TTN: variants seen among roughly 807,000 people sequenced by gnomAD.
The protein encoded by TTN is titin.
A neutral mutation model predicts 3,223.0 loss-of-function variants in TTN; 1,525 were observed. That is an observed-to-expected ratio of 0.47 (90% CI 0.45 to 0.49). The LOEUF is 0.49. Ranked by LOEUF, TTN falls within the 20% of genes least tolerant of loss-of-function variation. The probability of loss-of-function intolerance (pLI) is 0.00; values close to 1 mark genes in which losing one functional copy is unlikely to be tolerated. For missense variants in TTN, 40,786 were observed against 43,424.0 expected (o/e 0.94, Z 5.40); for synonymous variants, 14,094 against 15,161.0 (o/e 0.93, Z 5.17).
Position 178,713,113 on chromosome 2 carries a change from A to G in TTN, c.27021T>C (p.Asp9007=), listed in dbSNP as rs765824174. The part of the protein sequence containing the change: ...TCIATNMAGS[D]ECSAPLTVRE... Reference sequence around the variant, plus strand: ...TCACAGTCAAAGGAGCACTACATTCATCAGAACCAGCCATATTAGTAGCTA... The same window carrying G: ...TCACAGTCAAAGGAGCACTACATTCGTCAGAACCAGCCATATTAGTAGCTA... The change falls in exon 93 of 363, where the codon GAT becomes GAC. Residue 9007 remains aspartate, a synonymous_variant. Coordinates refer to ENST00000589042, the MANE Select transcript of TTN (RefSeq NM_001267550.2). 6.2e-7 allele frequency: 1 copy of G among 1,613,738 alleles called. No individual in the cohort carries two copies. Among genetic ancestry groups the G allele is most frequent in the Non-Finnish European group, 8.5e-7 (1 of 1,179,748 alleles).
rs779686013 is a variant in TTN at position 178,589,258 on chromosome 2, G to A, written c.62467C>T (p.Arg20823Cys). 8.1e-6 allele frequency: 13 copies of A among 1,613,332 alleles called. No homozygotes were observed. Among genetic ancestry groups the A allele is most frequent in the African/African-American group, 2.7e-5 (2 of 74,888 alleles). ...TRSPRVKIDT[R>C]ADSSKFSLTK... The stretch of plus-strand genomic sequence containing the variant: ...AGAGAAAATTTAGATGAATCAGCAC[G>A]GGTATCAATCTTGACCCTTGGTGAT... The change falls in exon 304 of 363, where the codon CGT (arginine) becomes TGT (cysteine). Residue 20823 changes from arginine (R) to cysteine (C), a missense_variant. Coordinates refer to ENST00000589042, the MANE Select transcript of TTN (RefSeq NM_001267550.2).
chr2:178,792,341 G>A, intron 9 of TTN, 144 bp from the exon 10 acceptor site: 1 of 800,118 alleles, frequency 1.2e-6, no homozygotes, highest in Non-Finnish European at 1.9e-6. Flanking sequence ...ATAATCCCAT[G>A]TTCATAAATA....
At chr2:178,713,637 A>G in intron 92 of TTN, 3 of 695,986 alleles carry the variant, frequency 4.3e-6, no homozygotes, top group Non-Finnish European at 6.8e-6. Flanking sequence ...TTTCAGCATA[A>G]ATGAAGACTG....
At chr2:178,782,183 G>C in intron 20 of TTN, 29 bp downstream of exon 20, 1 of 1,612,846 alleles carries the variant, frequency 6.2e-7, no homozygotes, top group Non-Finnish European at 8.5e-7. Context: ...ACAAGTCACA[G>C]AGAACTCTAT....
chr2:178,594,957 T>TA (rs201928192), intron 295 of TTN, among the ~76,000 whole-genome samples: 16 of 151,412 alleles, frequency 1.1e-4, no homozygotes, highest in Non-Finnish European at 1.8e-4. Context: ...AGTGGGAAAT[T>TA]AAAAAAAAAT....
chr2:178,725,523 A>C lies in TTN; in HGVS notation c.20681T>G (p.Val6894Gly). ...CCTGATGTTTTCACTTTCTCTAATC[A>C]CTTCTTCCTTCTCTTTAAGCCACTG... ...FVQWLKEKEE[V>G]IRESENIRIT... The change falls in exon 71 of 363, where the codon GTG becomes GGG. Residue 6894 changes from valine to glycine, a missense_variant. Coordinates refer to ENST00000589042, the MANE Select transcript of TTN (RefSeq NM_001267550.2). The C allele has an allele frequency of 6.2e-7, 1 of 1,613,126 alleles. No individual in the cohort carries two copies. Among genetic ancestry groups the C allele is most frequent in the Non-Finnish European group, 8.5e-7 (1 of 1,179,454 alleles).
Position 178,568,905 on chromosome 2 carries a change from C to T in TTN, c.77227G>A (p.Glu25743Lys), listed in dbSNP as rs765997807. 2.5e-6 allele frequency: 4 copies of T among 1,613,290 alleles called. No homozygotes were observed. The highest frequency in any genetic ancestry group is 2.2e-5 in the East Asian group (1 of 44,828). ...ACTCGAGCACACTCTGACCATTTCT[C>T]ACTGTGTTTAGCTTGCATTTCCACA... is the stretch of plus-strand genomic sequence containing the variant. ...YIVEMQAKHS[E>K]KWSECARVKS... Residue 25743 changes from glutamate to lysine, a missense_variant, in exon 326 of 363, where the codon GAG (glutamate) becomes AAG (lysine). By Grantham distance (56) the Glu-to-Lys change is moderately conservative. Transcript: ENST00000589042.
rs748869015 is a variant in TTN at position 178,567,482 on chromosome 2, A to G, written c.78650T>C (p.Val26217Ala). ...AGETFRLEAD[V>A]HGKPLPTIEW... ...AATGGTAGGTAGGGGCTTTCCATGGACATCAGCCTCAAGTCTGAATGTTTC... is the reference window on the plus strand; with the variant it reads ...AATGGTAGGTAGGGGCTTTCCATGGGCATCAGCCTCAAGTCTGAATGTTTC... Residue 26217 changes from valine (V) to alanine (A), a missense_variant, in exon 326 of 363, where the codon GTC becomes GCC. Transcript: ENST00000589042. The G allele has an allele frequency of 6.2e-7, 1 of 1,613,142 alleles. No individual in the cohort carries two copies. The highest frequency in any genetic ancestry group is 1.1e-5 in the South Asian group (1 of 90,974).
Position 178,558,418 on chromosome 2 carries a change from C to T in TTN, c.87041G>A (p.Arg29014Gln), listed in dbSNP as rs772536290. ...GLRENSEYFF[R>Q]VFAENQAGLS... Reference sequence around the variant, plus strand: ...GCCAGCTTGATTTTCAGCAAACACTCGGAAAAAGTATTCAGAATTCTCTCT... The same window carrying T: ...GCCAGCTTGATTTTCAGCAAACACTTGGAAAAAGTATTCAGAATTCTCTCT... Residue 29014 changes from arginine to glutamine, a missense_variant, in exon 327 of 363, where the codon CGA (arginine) becomes CAA (glutamine). Coordinates refer to ENST00000589042, the MANE Select transcript of TTN (RefSeq NM_001267550.2). The T allele has an allele frequency of 1.5e-5, 25 of 1,613,742 alleles. No homozygotes were observed. Among genetic ancestry groups the T allele is most frequent in the Admixed American group, 3.3e-5 (2 of 60,020 alleles).
Position 178,730,352 on chromosome 2 carries a change from T to A in TTN, c.18048A>T (p.Glu6016Asp). ...LTVKEPPYFVEKPQSQDVNPN... is the reference protein window; with the variant it reads ...LTVKEPPYFVDKPQSQDVNPN... ...GATTGACATCTTGTGACTGTGGCTT[T>A]TCCACAAAGTAAGGGGGTTCTGAGG... is the stretch of plus-strand genomic sequence containing the variant. Residue 6016 changes from glutamate to aspartate, a missense_variant, in exon 62 of 363, where the codon GAA becomes GAT. Physicochemically the swap from Glu to Asp is conservative, Grantham distance 45. Transcript: ENST00000589042. 1 of 1,605,260 alleles carries A rather than the reference T, an allele frequency of 6.2e-7. No homozygotes were observed. The highest frequency in any genetic ancestry group is 8.5e-7 in the Non-Finnish European group (1 of 1,175,138).
Position 178,779,329 on chromosome 2 carries a change from G to A in TTN, c.3863C>T (p.Ala1288Val). 6.2e-7 allele frequency: 1 copy of A among 1,613,176 alleles called. No homozygotes were observed. The highest frequency in any genetic ancestry group is 8.5e-7 in the Non-Finnish European group (1 of 1,179,338). The change falls in exon 23 of 363, where the codon GCT (alanine) becomes GTT (valine). Residue 1288 changes from alanine (A) to valine (V), a missense_variant. Ala to Val is a moderately conservative substitution (Grantham distance 64). Coordinates refer to ENST00000589042, the MANE Select transcript of TTN (RefSeq NM_001267550.2). Reference protein sequence around the residue: ...KMAVDISESEAVESGFDSRIK... With the variant: ...KMAVDISESEVVESGFDSRIK... ...TCTTGAATCAAATCCTGATTCAACAGCTTCAGATTCAGAAATGTCAACTGC... is the reference window on the plus strand; with the variant it reads ...TCTTGAATCAAATCCTGATTCAACAACTTCAGATTCAGAAATGTCAACTGC...
Position 178,570,030 on chromosome 2 carries a change from C to G in TTN, c.76102G>C (p.Gly25368Arg), listed in dbSNP as rs551988703. Reference protein sequence around the residue: ...LIGELRLRVTGLIENHDYEFR... With the variant: ...LIGELRLRVTRLIENHDYEFR... ...TCATAATCGTGATTTTCTATGAGTC[C>G]AGTTACTCTCAGGCGCAACTCTCCA... Residue 25368 changes from glycine to arginine, a missense_variant, in exon 326 of 363, where the codon GGA (glycine) becomes CGA (arginine). Coordinates refer to ENST00000589042, the MANE Select transcript of TTN (RefSeq NM_001267550.2). 1 of 1,613,206 alleles carries G rather than the reference C, an allele frequency of 6.2e-7. No individual in the cohort carries two copies. The highest frequency in any genetic ancestry group is 2.2e-5 in the East Asian group (1 of 44,748).
chr2:178,776,984 C>G lies in TTN; in HGVS notation c.4880G>C (p.Trp1627Ser). ...TTTATTAATAGCAGTCGCAGTATAC[C>G]AGGCAGAATCTTGGCTGACAGTGGA... ...IDSTVSQDSA[W>S]YTATAINKAG... The change falls in exon 28 of 363, where the codon TGG becomes TCG. Residue 1627 changes from tryptophan to serine, a missense_variant. Coordinates refer to ENST00000589042, the MANE Select transcript of TTN (RefSeq NM_001267550.2). The G allele has an allele frequency of 6.2e-7, 1 of 1,614,014 alleles. No individual in the cohort carries two copies. The highest frequency in any genetic ancestry group is 8.5e-7 in the Non-Finnish European group (1 of 1,179,998).
Position 178,616,770 on chromosome 2 carries a change from C to T in TTN, c.48119G>A (p.Arg16040His), listed in dbSNP as rs956699957. 23 of 1,612,596 alleles carry T rather than the reference C, an allele frequency of 1.4e-5. No homozygotes were observed. Among genetic ancestry groups the T allele is most frequent in the Admixed American group, 5.0e-5 (3 of 59,910 alleles). Residue 16040 changes from arginine to histidine, a missense_variant, in exon 256 of 363, where the codon CGT (arginine) becomes CAT (histidine). Physicochemically the swap from Arg to His is conservative, Grantham distance 29 (BLOSUM62 0). Transcript: ENST00000589042. Reference protein sequence around the residue: ...KGIYTLKLENRVKTISGEIDV... With the variant: ...KGIYTLKLENHVKTISGEIDV... ...AATTTCCCCAGAAATTGTTTTCACA[C>T]GGTTTTCTAATTTCAGTGTATAAAT...
intron 263 of TTN, 161 bp from the exon 264 acceptor site, chr2:178,613,437 T>C: frequency 1.5e-6 from 1 of 676,620 alleles, no homozygotes; most frequent in Non-Finnish European, 2.4e-6. Context: ...GCTTTTTAAC[T>C]GCCACACACT....
intron 127 of TTN, among the ~76,000 whole-genome samples, chr2:178,685,961 T>C (rs1289922031): frequency 6.6e-6 from 1 of 152,072 alleles, no homozygotes; most frequent in East Asian, 1.9e-4. Flanking sequence ...CACTGTAGAT[T>C]TGAAGGCCAC....
In TTN at chr2:178,574,663, T is replaced by A; in HGVS notation, c.71469A>T (p.Pro23823=). 6.2e-7 allele frequency: 1 copy of A among 1,613,192 alleles called. No homozygotes were observed. The change falls in exon 326 of 363, where the codon CCA becomes CCT. Residue 23823 remains proline, a synonymous_variant. Transcript: ENST00000589042. ...ITSACIVANY[P]FKVPGPPGTP... is the part of the protein sequence containing the mutation. The stretch of plus-strand genomic sequence containing the variant: ...TACCAGGAGGTCCAGGAACCTTAAA[T>A]GGATAGTTGGCAACTATGCATGCTG...
Position 178,554,872 on chromosome 2 carries a change from C to T in TTN, c.88587G>A (p.Gln29529=). 6.2e-7 allele frequency: 1 copy of T among 1,613,902 alleles called. No individual in the cohort carries two copies. The highest frequency in any genetic ancestry group is 2.2e-5 in the East Asian group (1 of 44,842). Residue 29529 remains glutamine (Q), a synonymous_variant, in exon 331 of 363, where the codon CAG becomes CAA. Coordinates refer to ENST00000589042, the MANE Select transcript of TTN (RefSeq NM_001267550.2). ...MGSASATIRV[Q]ILDKPGPPGG... ...TCTGTATTCAGCACCTACCAAGGAT[C>T]TGTACTCTGATGGTGGCTGAGGCTG...
At position 178,721,970 on chromosome 2, in the gene TTN, A is replaced by G. The variant is rs757611239; in HGVS notation, c.22693T>C (p.Cys7565Arg). 5 of 1,613,608 alleles carry G rather than the reference A, an allele frequency of 3.1e-6. No individual in the cohort carries two copies. Among genetic ancestry groups the G allele is most frequent in the Non-Finnish European group, 3.4e-6 (4 of 1,179,616 alleles). ...IRPGGNYTIT[C>R]VGNTPHLRIL... ...CTCAAATGAGGAGTGTTTCCCACAC[A>G]TGTGATTGTATAGTTTCCTCCAGGA... is the stretch of plus-strand genomic sequence containing the variant. The change falls in exon 78 of 363, where the codon TGT (cysteine) becomes CGT (arginine). Residue 7565 changes from cysteine (C) to arginine (R), a missense_variant. Cys to Arg is a radical substitution (Grantham distance 180). Transcript: ENST00000589042.
Sources: allele counts gnomAD v4.1 joint callset (sites outside exome capture counted in the v4.1 genomes callset), GRCh38; gene constraint gnomAD v4.1.1; transcripts MANE v1.5; gene names NCBI Gene and HGNC (gene_info 2026-07-23, HGNC 2026-07-21).